Variants in CRMP1 observed in about 807,000 individuals in gnomAD.
The protein encoded by CRMP1 is dihydropyrimidinase-related protein 1.
Under a neutral mutation model 68.3 loss-of-function variants are expected in CRMP1, and 19 were observed. The ratio of observed to expected loss-of-function variants is 0.28; its 90% CI spans 0.19 to 0.41. The LOEUF (loss-of-function observed/expected upper bound fraction) is 0.41. Ranked by LOEUF, CRMP1 falls within the 10% of genes least tolerant of loss-of-function variation. The probability of loss-of-function intolerance (pLI) is 1.00; values close to 1 mark genes in which losing one functional copy is unlikely to be tolerated. For synonymous variants in CRMP1, 439 were observed against 399.6 expected (o/e 1.10, Z -1.18); for missense variants, 791 against 967.4 (o/e 0.82, Z 2.42).
At chr4:5,868,257 A>ATATATATC (rs1714136777) in intron 1 of CRMP1, among the ~76,000 whole-genome samples, 1 of 82,366 alleles carries the variant, frequency 1.2e-5, no homozygotes, top group African/African-American at 3.8e-5. Context: ...TCATGACTAT[A>ATATATATC]TATCTATATA....
chr4:5,822,006 C>T (rs1339607446), intron 13 of CRMP1, among the ~76,000 whole-genome samples, 155 bp from the exon 14 acceptor site: 1 of 124,028 alleles, frequency 8.1e-6, no homozygotes, highest in Non-Finnish European at 1.7e-5. Flanking sequence ...CTGGCCTCCA[C>T]AGAGTCCACT....
In CRMP1 at chr4:5,889,716, C is replaced by T; in HGVS notation, c.381+2873G>A. On this transcript the variant is annotated intron_variant, in intron 1 of 13. Coordinates refer to ENST00000324989, the MANE Select transcript of CRMP1 (RefSeq NM_001014809.3). This position sits in a 1 kb window ranked among gnomAD's most constrained non-coding sequence, Gnocchi z 4.5. ...CTCATCTTTTCTGCTTTCAAGTTGC[C>T]ATCCAGAGCGAGGGTGGCCTAGGCT... The T allele has an allele frequency of 6.5e-7, 1 of 1,535,884 alleles. No individual in the cohort carries two copies. Among genetic ancestry groups the T allele is most frequent in the East Asian group, 2.4e-5 (1 of 40,864 alleles).
At chr4:5,829,424 C>T (rs1214662073) in intron 11 of CRMP1, among the ~76,000 whole-genome samples, 1 of 152,096 alleles carries the variant, frequency 6.6e-6, no homozygotes, top group African/African-American at 2.4e-5. Context: ...ACCTTCTTTC[C>T]ATTATTCTTC....
Position 5,841,761 on chromosome 4 carries a change from C to T in CRMP1, c.1033-333G>A, listed in dbSNP as rs148463934. ...GAAGAGCACTGGGTGGGATCTCAAG[C>T]CCCTCAGGACACGGAACCTGTCCAC... On this transcript the variant is annotated intron_variant, in intron 7 of 13. Transcript: ENST00000324989. The surrounding 1 kb of genome is among the most constrained non-coding windows in gnomAD (Gnocchi z 6.9). 4.0e-3 allele frequency among the ~76,000 whole-genome samples: 605 copies of T among 152,300 alleles called. 3 individuals carry two copies. The highest frequency in any genetic ancestry group is 0.013 in the African/African-American group (561 of 41,564).
At chr4:5,871,672 A>G (rs549077589) in intron 1 of CRMP1, among the ~76,000 whole-genome samples, 40 of 152,178 alleles carry the variant, frequency 2.6e-4, no homozygotes, top group Non-Finnish European at 4.9e-4. Context: ...CCGCCCACCA[A>G]AAAAAAGAAA....
At chr4:5,836,667 G>C (rs1283913312) in intron 10 of CRMP1, 98 bp downstream of exon 10, 1 of 1,573,248 alleles carries the variant, frequency 6.4e-7, no homozygotes, top group East Asian at 2.2e-5. Flanking sequence ...CTCCATGTAA[G>C]AAGGGAACTT....
rs1715913975 is a variant in CRMP1, at chr4:5,890,938, A to G, written c.381+1651T>C. 1.3e-5 allele frequency among the ~76,000 whole-genome samples: 2 copies of G among 152,102 alleles called. No homozygotes were observed. Among genetic ancestry groups the G allele is most frequent in the African/African-American group, 4.8e-5 (2 of 41,432 alleles). ...GCCACCCCCATCTGACAGATGGAGA[A>G]GCTGAGGCCCAAGAGAGCAAAGCGC... On this transcript the variant is annotated intron_variant, in intron 1 of 13. Transcript: ENST00000324989. The surrounding 1 kb of genome is among the most constrained non-coding windows in gnomAD (Gnocchi z 5.5).
Position 5,828,543 on chromosome 4 carries a change from A to C in CRMP1, c.1749T>G (p.Ile583Met). ...GGTGCTCCGGGAACGCCTTCCGCGG[A>C]ATGAAGCGGCCCATGCCCTTGTTGA... ...INVNKGMGRF[I>M]PRKAFPEHLY... Residue 583 changes from isoleucine to methionine, a missense_variant, in exon 12 of 14, where the codon ATT (isoleucine) becomes ATG (methionine). Physicochemically the swap from Ile to Met is conservative, Grantham distance 10. Transcript: ENST00000324989. The C allele has an allele frequency of 2.5e-6, 4 of 1,614,202 alleles. No homozygotes were observed. Among genetic ancestry groups the C allele is most frequent in the Non-Finnish European group, 3.4e-6 (4 of 1,180,038 alleles).
chr4:5,830,654 A>C (rs533551010), intron 11 of CRMP1, among the ~76,000 whole-genome samples: 27 of 152,190 alleles, frequency 1.8e-4, no homozygotes, highest in Non-Finnish European at 3.5e-4. Context: ...CAGTCAGTCT[A>C]TTCCTTGGCT....
rs1715114203 is a variant in CRMP1, at chr4:5,879,869, A to G, written c.381+12720T>C. ...ATAAAATATAGCAAAAAAAAAAATG[A>G]GACGAAAGGAAAGGAAAATGAAAGA... On this transcript the variant is annotated intron_variant, in intron 1 of 13. Transcript: ENST00000324989. This position sits in a 1 kb window ranked among gnomAD's most constrained non-coding sequence, Gnocchi z 4.2. Among the ~76,000 whole-genome samples, 1 of 151,588 alleles carries G rather than the reference A, an allele frequency of 6.6e-6. No individual in the cohort carries two copies. The highest frequency in any genetic ancestry group is 2.4e-5 in the African/African-American group (1 of 41,246).
At position 5,825,720 on chromosome 4, in the gene CRMP1, G is replaced by C; in HGVS notation, c.1804-61C>G. ...CTGTGCATGTGTGCCCTTCTGGGCA[G>C]ATAAAGCAGAGCCCTGCGGGCGAGA... On this transcript the variant is annotated intron_variant, in intron 12 of 13. Transcript: ENST00000324989. The surrounding 1 kb of genome is among the most constrained non-coding windows in gnomAD (Gnocchi z 4.4). 6.4e-7 allele frequency: 1 copy of C among 1,551,794 alleles called. No homozygotes were observed. Among genetic ancestry groups the C allele is most frequent in the Non-Finnish European group, 8.8e-7 (1 of 1,141,360 alleles).
Position 5,820,881 on chromosome 4 carries a change from A to G in CRMP1, c.*879T>C, listed in dbSNP as rs1660146186. The G allele has an allele frequency of 2.0e-5, 3 of 152,096 alleles. No homozygotes were observed. Among genetic ancestry groups the G allele is most frequent in the African/African-American group, 7.3e-5 (3 of 41,378 alleles). 9.4% of individuals were successfully genotyped at this position (152,096 alleles called of 1,614,324 possible). Reference sequence around the variant, plus strand: ...GTTAAGTAAAAATGGGAGTGATTACAAAGGAAAACTTTGTACAAAACTTTA... The same window carrying G: ...GTTAAGTAAAAATGGGAGTGATTACGAAGGAAAACTTTGTACAAAACTTTA... On this transcript the variant is annotated 3_prime_UTR_variant, in exon 14 of 14. Transcript: ENST00000324989.
In CRMP1 at chr4:5,883,232, T is replaced by TTTCCTTCCTTCCTTCC. The variant is rs543767657; in HGVS notation, c.381+9341_381+9356dup. Among the ~76,000 whole-genome samples, 93 of 112,370 alleles carry TTTCCTTCCTTCCTTCC rather than the reference T, an allele frequency of 8.3e-4. No homozygotes were observed. The highest frequency in any genetic ancestry group is 2.2e-3 in the East Asian group (6 of 2,718). The allele number at this position is 112,370 out of a possible 152,430, so 73.7% of individuals were successfully genotyped here. A position where few individuals can be genotyped will look rare whatever the true frequency, so the allele number is the denominator to read the frequency against. ...GTGCCCTGTTCCGCAGCCTGCCTGC[T>TTTCCTTCCTTCCTTCC]TTCCTTCCTTCCTTCCTTCCTTCCT... On this transcript the variant is annotated intron_variant, in intron 1 of 13. Transcript: ENST00000324989. The surrounding 1 kb of genome is among the most constrained non-coding windows in gnomAD (Gnocchi z 4.5).
intron 4 of CRMP1, among the ~76,000 whole-genome samples, chr4:5,852,683 TGTGA>T (rs1712746549): frequency 6.6e-6 from 1 of 152,228 alleles, no homozygotes; most frequent in Admixed American, 6.5e-5. Flanking sequence ...GCCATGCAAC[TGTGA>T]GTAAGACGAC....
At chr4:5,849,063 A>G (rs1034554579) in intron 6 of CRMP1, among the ~76,000 whole-genome samples, 8 of 152,224 alleles carry the variant, frequency 5.3e-5, no homozygotes, top group Non-Finnish European at 1.0e-4. Context: ...AAGAGTGTTC[A>G]TGGGAAAAAG....
chr4:5,886,420 C>G (rs1715589951), intron 1 of CRMP1, among the ~76,000 whole-genome samples: 2 of 152,236 alleles, frequency 1.3e-5, no homozygotes, highest in African/African-American at 4.8e-5. Context: ...CTACATCGTA[C>G]AGCAGAGCAC....
At chr4:5,867,067 C>G (rs990919470) in intron 1 of CRMP1, among the ~76,000 whole-genome samples, 8 of 152,140 alleles carry the variant, frequency 5.3e-5, no homozygotes, top group East Asian at 3.8e-4. Flanking sequence ...CCGTTTGCCC[C>G]GAGAAATGAG....
chr4:5,847,364 G>C (rs1025302302), intron 6 of CRMP1, among the ~76,000 whole-genome samples: 10 of 152,114 alleles, frequency 6.6e-5, no homozygotes, highest in African/African-American at 2.4e-4. Flanking sequence ...CATGGGAAGG[G>C]GTGATTGTAA....
Position 5,841,412 on chromosome 4 carries a change from A to G in CRMP1, c.1049T>C (p.Val350Ala). The G allele has an allele frequency of 1.2e-6, 2 of 1,614,092 alleles. No individual in the cohort carries two copies. Among genetic ancestry groups the G allele is most frequent in the Middle Eastern group, 1.6e-4 (1 of 6,062 alleles). The change falls in exon 8 of 14, where the codon GTG (valine) becomes GCG (alanine). Residue 350 changes from valine (V) to alanine (A), a missense_variant. By Grantham distance (64) the Val-to-Ala change is moderately conservative. This residue lies in a region of CRMP1 where 594 missense variants were observed against 763.6 expected (regional missense o/e 0.78). Transcript: ENST00000324989. This position sits in a 1 kb window ranked among gnomAD's most constrained non-coding sequence, Gnocchi z 6.9. ...GCCCGCAATGGTGATGGCCCGGAAC[A>G]CCGCCTCGGCCTCCAGCTGAACACG... ...SRPEELEAEA[V>A]FRAITIAGRI...
Sources: allele counts gnomAD v4.1 joint callset (sites outside exome capture counted in the v4.1 genomes callset), GRCh38; gene constraint gnomAD v4.1.1; regional missense constraint gnomAD v4.1.1; non-coding constraint Gnocchi (gnomAD v3.1); transcripts MANE v1.5; gene names NCBI Gene and HGNC (gene_info 2026-07-23, HGNC 2026-07-21).